LMX1B: variants seen among roughly 807,000 people sequenced by gnomAD.
LMX1B encodes the protein LIM homeobox transcription factor 1-beta.
LMX1B carries 12 observed loss-of-function variants against 51.4 expected under a neutral mutation model. The observed-to-expected ratio is 0.23, with a 90% CI of 0.15 to 0.38. LMX1B has a LOEUF of 0.38. Among genes scored for constraint, LMX1B ranks in the 10% least tolerant of loss-of-function variants. The pLI is 1.00. For missense variants in LMX1B, 445 were observed against 571.1 expected (o/e 0.78, Z 2.25); for synonymous variants, 237 against 235.4 (o/e 1.01, Z -0.06).
chr9:126,690,857 C>T lies in LMX1B; in HGVS notation c.348C>T (p.Ser116=), dbSNP rs772070765. 27 of 1,611,940 alleles carry T rather than the reference C, an allele frequency of 1.7e-5. No homozygotes were observed. The highest frequency in any genetic ancestry group is 8.8e-5 in the South Asian group (8 of 90,892). The change falls in exon 3 of 8, where the codon AGC becomes AGT. Residue 116 remains serine, a synonymous_variant. Transcript: ENST00000373474. The part of the protein sequence containing the change: ...DYQQLFAAKC[S]GCMEKIAPTE... Reference sequence around the variant, plus strand: ...GCAGGCTCTTCGCGGCCAAGTGCAGCGGCTGCATGGAGAAGATCGCCCCCA... The same window carrying T: ...GCAGGCTCTTCGCGGCCAAGTGCAGTGGCTGCATGGAGAAGATCGCCCCCA...
Position 126,613,929 on chromosome 9 carries a change from G to GC in LMX1B, c.-517dup, listed in dbSNP as rs978626342. Among the ~76,000 whole-genome samples the GC allele has an allele frequency of 2.0e-5, 3 of 146,560 alleles. No individual in the cohort carries two copies. The highest frequency in any genetic ancestry group is 2.4e-5 in the African/African-American group (1 of 40,844). ...GGCGGCCCGTATCCCTCCGCCGCCAGCCCCAGCTCTAAACCCGGCGGCTCA... is the reference window on the plus strand; with the variant it reads ...GGCGGCCCGTATCCCTCCGCCGCCAGCCCCCAGCTCTAAACCCGGCGGCTCA... On this transcript the variant is annotated 5_prime_UTR_variant, in exon 1 of 8. Coordinates refer to ENST00000373474, the MANE Select transcript of LMX1B (RefSeq NM_001174147.2). This position sits in a 1 kb window ranked among gnomAD's most constrained non-coding sequence, Gnocchi z 4.5.
rs1321462872 is a variant in LMX1B, at chr9:126,625,207, C to T, written c.326+9638C>T. On this transcript the variant is annotated intron_variant, in intron 2 of 7. Coordinates refer to ENST00000373474, the MANE Select transcript of LMX1B (RefSeq NM_001174147.2). The surrounding 1 kb of genome is among the most constrained non-coding windows in gnomAD (Gnocchi z 5.3). Reference sequence around the variant, plus strand: ...GGAAGAGGGGGCTCCGGCCCTGTAGCCCCCTGACGCTTTTCGTTTCCGAGC... The same window carrying T: ...GGAAGAGGGGGCTCCGGCCCTGTAGTCCCCTGACGCTTTTCGTTTCCGAGC... Among the ~76,000 whole-genome samples the T allele has an allele frequency of 6.6e-6, 1 of 152,264 alleles. No homozygotes were observed. Among genetic ancestry groups the T allele is most frequent in the Non-Finnish European group, 1.5e-5 (1 of 68,044 alleles).
At chr9:126,619,776 G>A (rs977288665) in intron 2 of LMX1B, among the ~76,000 whole-genome samples, 5 of 152,182 alleles carry the variant, frequency 3.3e-5, no homozygotes, top group African/African-American at 9.7e-5. Context: ...CTCCCCGGGC[G>A]CTGGGCTGGT....
rs1286560840 is a variant in LMX1B at position 126,615,323 on chromosome 9, G to A, written c.140-60G>A. The A allele has an allele frequency of 4.4e-6, 6 of 1,358,106 alleles. No homozygotes were observed. Among genetic ancestry groups the A allele is most frequent in the Non-Finnish European group, 5.7e-6 (6 of 1,045,954 alleles). 84.1% of individuals were successfully genotyped at this position (1,358,106 alleles called of 1,614,324 possible). A position where few individuals can be genotyped will look rare whatever the true frequency, so the allele number is the denominator to read the frequency against. On this transcript the variant is annotated intron_variant, in intron 1 of 7. Coordinates refer to ENST00000373474, the MANE Select transcript of LMX1B (RefSeq NM_001174147.2). This position sits in a 1 kb window ranked among gnomAD's most constrained non-coding sequence, Gnocchi z 6.0. ...CGAGGGCTGTGGGCCCGGTGCGACC[G>A]GGACGCCGGGGCTGGGCCGGGCGGC... is the stretch of plus-strand genomic sequence containing the variant.
chr9:126,660,309 G>T (rs1018037060), intron 2 of LMX1B, among the ~76,000 whole-genome samples: 7 of 152,106 alleles, frequency 4.6e-5, no homozygotes, highest in Admixed American at 2.0e-4. Context: ...GGCTTCAGAG[G>T]TTGTCCTATG....
At chr9:126,679,459 G>T (rs1434072119) in intron 2 of LMX1B, among the ~76,000 whole-genome samples, 1 of 151,766 alleles carries the variant, frequency 6.6e-6, no homozygotes, top group East Asian at 1.9e-4. Context: ...ATAGATGCAT[G>T]CATGCGTGGA....
At chr9:126,627,150 G>A (rs183109531) in intron 2 of LMX1B, among the ~76,000 whole-genome samples, 54 of 152,178 alleles carry the variant, frequency 3.5e-4, no homozygotes, top group Non-Finnish European at 7.3e-4. Context: ...GGTCACCAGA[G>A]TGGCCTCTGA....
chr9:126,660,046 AG>A (rs1274119986), intron 2 of LMX1B, among the ~76,000 whole-genome samples: 20 of 116,504 alleles, frequency 1.7e-4, no homozygotes, highest in East Asian at 2.3e-4. Context: ...CACTGGCTTC[AG>A]AGGTTGTCCT....
At chr9:126,694,455 T>G (rs1662512061) in intron 6 of LMX1B, among the ~76,000 whole-genome samples, 1 of 152,228 alleles carries the variant, frequency 6.6e-6, no homozygotes, top group Admixed American at 6.5e-5. Flanking sequence ...AGGGACTAGC[T>G]GCAGGGGCAT....
At position 126,625,354 on chromosome 9, in the gene LMX1B, G is replaced by A. The variant is rs773057996; in HGVS notation, c.326+9785G>A. Among the ~76,000 whole-genome samples the A allele has an allele frequency of 2.8e-4, 42 of 152,318 alleles. No homozygotes were observed. Among genetic ancestry groups the A allele is most frequent in the South Asian group, 1.7e-3 (8 of 4,824 alleles). ...GTGACCCCACGACTAGAGGATGAAT[G>A]GGGGGAGGGTTAGTGGGATGTGTTT... On this transcript the variant is annotated intron_variant, in intron 2 of 7. Transcript: ENST00000373474. This position sits in a 1 kb window ranked among gnomAD's most constrained non-coding sequence, Gnocchi z 5.3.
intron 2 of LMX1B, among the ~76,000 whole-genome samples, chr9:126,667,204 T>C (rs1383172752): frequency 6.6e-6 from 1 of 152,216 alleles, no homozygotes; most frequent in Admixed American, 6.5e-5. Flanking sequence ...GTTTTCCTTT[T>C]GATGGGATCC....
intron 2 of LMX1B, among the ~76,000 whole-genome samples, chr9:126,638,162 G>A (rs1223764085): frequency 6.6e-6 from 1 of 152,082 alleles, no homozygotes; most frequent in Non-Finnish European, 1.5e-5. Context: ...AGGAGCTCCT[G>A]GCCCAGGTGA....
At chr9:126,692,018 G>C (rs911114270) in intron 3 of LMX1B, among the ~76,000 whole-genome samples, 1 of 152,244 alleles carries the variant, frequency 6.6e-6, no homozygotes, top group Admixed American at 6.5e-5. Context: ...AGTGGGGAAG[G>C]ACTGGAGCAG....
chr9:126,626,166 G>A lies in LMX1B; in HGVS notation c.326+10597G>A, dbSNP rs1303948926. Among the ~76,000 whole-genome samples, 1 of 152,190 alleles carries A rather than the reference G, an allele frequency of 6.6e-6. No homozygotes were observed. Among genetic ancestry groups the A allele is most frequent in the African/African-American group, 2.4e-5 (1 of 41,458 alleles). ...GCTCCCTGGCCTCCTATTAGAACTC[G>A]TAGAGGATCCGCTCTGGAGTCCCCG... On this transcript the variant is annotated intron_variant, in intron 2 of 7. Transcript: ENST00000373474. This position sits in a 1 kb window ranked among gnomAD's most constrained non-coding sequence, Gnocchi z 4.3.
chr9:126,675,860 T>C (rs1257851114), intron 2 of LMX1B, among the ~76,000 whole-genome samples: 1 of 150,014 alleles, frequency 6.7e-6, no homozygotes, highest in Non-Finnish European at 1.5e-5. Context: ...CCATCCTGGC[T>C]AACACGGTGA....
chr9:126,667,490 A>G (rs1408701943), intron 2 of LMX1B, among the ~76,000 whole-genome samples: 3 of 152,238 alleles, frequency 2.0e-5, no homozygotes, highest in Non-Finnish European at 4.4e-5. Context: ...GCTGGAGTAT[A>G]AACACACTGG....
At chr9:126,654,839 T>C (rs1337801396) in intron 2 of LMX1B, among the ~76,000 whole-genome samples, 1 of 152,154 alleles carries the variant, frequency 6.6e-6, no homozygotes, top group Non-Finnish European at 1.5e-5. Flanking sequence ...GGCTAATGGT[T>C]GGCCATCCAG....
chr9:126,667,722 A>G (rs1204720629), intron 2 of LMX1B, among the ~76,000 whole-genome samples: 1 of 152,226 alleles, frequency 6.6e-6, no homozygotes, highest in Non-Finnish European at 1.5e-5. Context: ...AGGAACCCAC[A>G]GGTCTCTGGG....
chr9:126,630,694 G>C (rs1334779405), intron 2 of LMX1B, among the ~76,000 whole-genome samples: 1 of 152,188 alleles, frequency 6.6e-6, no homozygotes, highest in Non-Finnish European at 1.5e-5. Flanking sequence ...ACCCCTGAGT[G>C]CCTTCTGAGT....
Sources: gnomAD v4.1 joint callset for allele counts (sites outside exome capture counted in the v4.1 genomes callset) on GRCh38, gnomAD v4.1.1 for gene constraint, Gnocchi (gnomAD v3.1) non-coding constraint, MANE v1.5 for transcripts, NCBI Gene and HGNC (gene_info 2026-07-23, HGNC 2026-07-21) for gene names.